DCLK1: variants seen among roughly 807,000 people sequenced by gnomAD.
The protein encoded by DCLK1 is serine/threonine-protein kinase DCLK1.
A neutral mutation model predicts 86.2 loss-of-function variants in DCLK1; 16 were observed. The ratio of observed to expected loss-of-function variants is 0.19; its 90% CI spans 0.13 to 0.28. The LOEUF is 0.28. DCLK1 is among the 10% of genes least tolerant of loss of function. The pLI is 1.00. For synonymous variants in DCLK1, 369 were observed against 370.5 expected (o/e 1.00, Z 0.05); for missense variants, 590 against 940.2 (o/e 0.63, Z 4.87).
chr13:36,070,771 A>C (rs968241421), intron 3 of DCLK1, among the ~76,000 whole-genome samples: 9 of 151,974 alleles, frequency 5.9e-5, no homozygotes, highest in African/African-American at 1.9e-4. Context: ...CCTCCTGAGT[A>C]GCTGGGATTA....
chr13:35,819,676 A>G (rs974497186), intron 11 of DCLK1, among the ~76,000 whole-genome samples: 13 of 152,128 alleles, frequency 8.5e-5, no homozygotes, highest in Admixed American at 6.6e-4. Context: ...AAATCTTTAT[A>G]TTAACTTTAT....
At chr13:36,006,016 A>AG (rs1370890070) in intron 3 of DCLK1, among the ~76,000 whole-genome samples, 2 of 152,012 alleles carry the variant, frequency 1.3e-5, no homozygotes, top group African/African-American at 2.4e-5. Context: ...GGCCTGCTGG[A>AG]GGGTCGGGGG....
intron 4 of DCLK1, among the ~76,000 whole-genome samples, chr13:35,886,159 A>G (rs568158401): frequency 5.9e-5 from 9 of 151,914 alleles, no homozygotes; most frequent in Admixed American, 5.9e-4. Flanking sequence ...CTACAGGCAC[A>G]TGCCACCATG....
chr13:35,777,093 T>C (rs1258736651), intron 16 of DCLK1, among the ~76,000 whole-genome samples: 1 of 152,198 alleles, frequency 6.6e-6, no homozygotes. Flanking sequence ...TCCTACAGAT[T>C]TCCCTACTCA....
At chr13:35,829,741 C>A (rs1868798145) in intron 8 of DCLK1, among the ~76,000 whole-genome samples, 3 of 152,158 alleles carry the variant, frequency 2.0e-5, no homozygotes, top group South Asian at 2.1e-4. Context: ...GACTTCGAAG[C>A]CTCTTTTCCT....
In DCLK1 at chr13:35,835,968, C is replaced by A. The variant is rs141502727; in HGVS notation, c.1229+65G>T. On this transcript the variant is annotated intron_variant, in intron 8 of 16. Coordinates refer to ENST00000360631, the MANE Select transcript of DCLK1 (RefSeq NM_001330071.2). ...GTGCCACAGACTGGAAATAGAGACA[C>A]AATCTTGGAAAACATAACGCCAAAT... The A allele has an allele frequency of 1.6e-4, 187 of 1,190,370 alleles. 2 individuals are homozygous for A. In the East Asian group the frequency reaches 4.2e-3, roughly 27 times the overall value. The allele number at this position is 1,190,370 out of a possible 1,614,324, so 73.7% of individuals were successfully genotyped here. A position where few individuals can be genotyped will look rare whatever the true frequency, so the allele number is the denominator to read the frequency against.
chr13:35,962,809 A>T (rs914012101), intron 3 of DCLK1, among the ~76,000 whole-genome samples: 1 of 152,178 alleles, frequency 6.6e-6, no homozygotes, highest in East Asian at 1.9e-4. Flanking sequence ...TTCATTTTAC[A>T]TTTATGCCAG....
chr13:35,785,642 G>A (rs927386886), intron 16 of DCLK1, among the ~76,000 whole-genome samples: 2 of 152,132 alleles, frequency 1.3e-5, no homozygotes, highest in African/African-American at 4.8e-5. Flanking sequence ...TGAGGAGATG[G>A]TTTTCCCAGC....
At chr13:36,043,296 A>C (rs1593841935) in intron 3 of DCLK1, among the ~76,000 whole-genome samples, 1 of 152,124 alleles carries the variant, frequency 6.6e-6, no homozygotes, top group South Asian at 2.1e-4. Flanking sequence ...ACACCAAAAA[A>C]TAAAGAACTT....
At chr13:36,074,381 C>A (rs1884092549) in intron 3 of DCLK1, among the ~76,000 whole-genome samples, 1 of 148,684 alleles carries the variant, frequency 6.7e-6, no homozygotes, top group Admixed American at 6.8e-5. Flanking sequence ...CCCAGCTACT[C>A]AGGAGGCTGA....
chr13:35,813,974 G>A (rs1372540334), intron 11 of DCLK1, among the ~76,000 whole-genome samples: 2 of 152,146 alleles, frequency 1.3e-5, no homozygotes, highest in Admixed American at 1.3e-4. Context: ...GGCAGGGCAG[G>A]AAACAAGGTC....
chr13:35,844,429 C>T (rs1328254574), intron 6 of DCLK1, among the ~76,000 whole-genome samples: 2 of 152,116 alleles, frequency 1.3e-5, no homozygotes, highest in African/African-American at 4.8e-5. Context: ...GTTTTTCTGG[C>T]CTCAATTGTC....
intron 3 of DCLK1, among the ~76,000 whole-genome samples, chr13:36,104,148 A>C (rs1885311893): frequency 6.6e-6 from 1 of 152,196 alleles, no homozygotes; most frequent in South Asian, 2.1e-4. Flanking sequence ...GGGCACCATC[A>C]TCATTTACAG....
intron 3 of DCLK1, among the ~76,000 whole-genome samples, chr13:35,958,236 A>G (rs1878218525): frequency 7.3e-6 from 1 of 136,396 alleles, no homozygotes; most frequent in Admixed American, 7.2e-5. Flanking sequence ...TATAACCACC[A>G]TCATCACCAC....
intron 14 of DCLK1, among the ~76,000 whole-genome samples, chr13:35,807,791 A>G (rs932043457): frequency 4.6e-5 from 7 of 152,230 alleles, no homozygotes; most frequent in African/African-American, 1.7e-4. Context: ...TAAAACAGAC[A>G]AGTAGGATAC....
At chr13:35,878,258 G>A (rs77531599) in intron 4 of DCLK1, among the ~76,000 whole-genome samples, 78 of 152,202 alleles carry the variant, frequency 5.1e-4, no homozygotes, top group African/African-American at 1.8e-3. Flanking sequence ...TTCATACTTC[G>A]CAGCAGCATT....
At chr13:35,815,461 T>A (rs1335182836) in intron 11 of DCLK1, among the ~76,000 whole-genome samples, 5 of 152,172 alleles carry the variant, frequency 3.3e-5, no homozygotes, top group Non-Finnish European at 5.9e-5. Flanking sequence ...GTAACCCTGA[T>A]GAAACGTTGG....
At chr13:35,793,525 A>G in intron 15 of DCLK1, 46 bp from the exon 16 acceptor site, 1 of 1,471,942 alleles carries the variant, frequency 6.8e-7, no homozygotes, top group Non-Finnish European at 9.3e-7. Flanking sequence ...AGAAAATGAG[A>G]TAAATGAAAA....
intron 4 of DCLK1, among the ~76,000 whole-genome samples, chr13:35,873,529 G>A (rs938649424): frequency 6.6e-6 from 1 of 151,592 alleles, no homozygotes; most frequent in Non-Finnish European, 1.5e-5. Context: ...GGACTACAGG[G>A]TGCCCACCAC....
Sources: allele counts gnomAD v4.1 joint callset (sites outside exome capture counted in the v4.1 genomes callset), GRCh38; gene constraint gnomAD v4.1.1; transcripts MANE v1.5; gene names NCBI Gene and HGNC (gene_info 2026-07-23, HGNC 2026-07-21).